RBPJ: variants seen among roughly 807,000 people sequenced by gnomAD.
The protein encoded by RBPJ is recombination signal binding protein for immunoglobulin kappa J region.
A neutral mutation model predicts 67.8 loss-of-function variants in RBPJ; 9 were observed. That is an observed-to-expected ratio of 0.13 (90% confidence interval 0.08 to 0.23). The LOEUF (loss-of-function observed/expected upper bound fraction) is 0.23, where lower values mean the gene tolerates loss of function less well. Among genes scored for constraint, RBPJ ranks in the 10% least tolerant of loss-of-function variants. The probability of loss-of-function intolerance (pLI) is 1.00; values close to 1 mark genes in which losing one functional copy is unlikely to be tolerated. For synonymous variants in RBPJ, 198 were observed against 203.3 expected (o/e 0.97, Z 0.22); for missense variants, 305 against 595.6 (o/e 0.51, Z 5.08).
At chr4:26,197,818 A>T (rs968233764) in intron 1 of RBPJ, among the ~76,000 whole-genome samples, 10 of 151,672 alleles carry the variant, frequency 6.6e-5, no homozygotes, top group African/African-American at 9.7e-5. Flanking sequence ...AGAGGAGAGG[A>T]GGGGAAGGGA....
chr4:26,210,809 T>TTCTTTCTC (rs1312665771), intron 1 of RBPJ, among the ~76,000 whole-genome samples: 2 of 149,938 alleles, frequency 1.3e-5, no homozygotes, highest in South Asian at 4.2e-4. Flanking sequence ...CTTTCTTTCT[T>TTCTTTCTC]TTCTCCTGTG....
intron 1 of RBPJ, among the ~76,000 whole-genome samples, chr4:26,380,737 T>C (rs2109600105): frequency 6.6e-6 from 1 of 152,164 alleles, no homozygotes; most frequent in East Asian, 1.9e-4. Context: ...TAAAGTTTAG[T>C]TTAATTATGA....
chr4:26,190,529 G>C (rs1192631059), intron 1 of RBPJ, among the ~76,000 whole-genome samples: 2 of 152,172 alleles, frequency 1.3e-5, no homozygotes, highest in African/African-American at 4.8e-5. Flanking sequence ...CCTTTATACA[G>C]TGAGAGAAAG....
At chr4:26,366,680 A>G (rs985927288) in intron 1 of RBPJ, among the ~76,000 whole-genome samples, 2 of 151,986 alleles carry the variant, frequency 1.3e-5, no homozygotes, top group East Asian at 1.9e-4. Context: ...TCGGCTTCCC[A>G]AAGTGCTGGG....
chr4:26,389,175 G>A (rs932189566), intron 2 of RBPJ, among the ~76,000 whole-genome samples: 2 of 151,834 alleles, frequency 1.3e-5, no homozygotes, highest in Non-Finnish European at 2.9e-5. Flanking sequence ...GTTGCAGTGA[G>A]CTGAGATCAC....
At chr4:26,207,480 G>A (rs1718211037) in intron 1 of RBPJ, among the ~76,000 whole-genome samples, 2 of 152,182 alleles carry the variant, frequency 1.3e-5, no homozygotes, top group African/African-American at 4.8e-5. Context: ...GTTCATTTTG[G>A]ATGCCTATGT....
chr4:26,148,037 GAT>G, the RBPJ span, among the ~76,000 whole-genome samples: 6 of 152,172 alleles, frequency 3.9e-5, no homozygotes, highest in Non-Finnish European at 7.3e-5. Flanking sequence ...CCACTCAGAT[GAT>G]TCTAGTGTAT....
chr4:26,418,812 G>A (rs936760405), intron 4 of RBPJ, among the ~76,000 whole-genome samples: 1 of 152,146 alleles, frequency 6.6e-6, no homozygotes, highest in Non-Finnish European at 1.5e-5. Flanking sequence ...TTATGTTGCA[G>A]AAGAATTTCA....
chr4:26,179,737 C>T (rs1300250913), intron 1 of RBPJ, among the ~76,000 whole-genome samples: 1 of 152,092 alleles, frequency 6.6e-6, no homozygotes, highest in East Asian at 1.9e-4. Context: ...ATTAGTTCAA[C>T]CACTTTGGAA....
intron 1 of RBPJ, among the ~76,000 whole-genome samples, chr4:26,383,667 T>C (rs1482975090): frequency 6.6e-6 from 1 of 152,350 alleles, no homozygotes; most frequent in East Asian, 1.9e-4. Flanking sequence ...ATATAACCTT[T>C]AATGAAGTTT....
chr4:26,172,629 ACT>A (rs1716637079), intron 1 of RBPJ, among the ~76,000 whole-genome samples: 1 of 152,094 alleles, frequency 6.6e-6, no homozygotes, highest in African/African-American at 2.4e-5. Flanking sequence ...TTGGAATGTC[ACT>A]CTCCTTTATA....
intron 3 of RBPJ, chr4:26,409,967 A>G (rs1020564535): frequency 1.7e-5 from 7 of 423,888 alleles, no homozygotes; most frequent in Middle Eastern, 3.4e-4. Flanking sequence ...ATTGTTAAAA[A>G]TTTCAAAGTA....
intron 1 of RBPJ, among the ~76,000 whole-genome samples, chr4:26,184,835 A>C (rs756179239): frequency 1.3e-5 from 2 of 152,118 alleles, no homozygotes; most frequent in African/African-American, 4.8e-5. Context: ...TAAATGAAGA[A>C]CTTTTTTTGA....
At chr4:26,119,201 A>C in the RBPJ span, among the ~76,000 whole-genome samples, 1 of 152,100 alleles carries the variant, frequency 6.6e-6, no homozygotes, top group Non-Finnish European at 1.5e-5. Flanking sequence ...ATAAGCTTTT[A>C]TTTTCTACTT....
chr4:26,249,484 A>T (rs1720026687), intron 1 of RBPJ, among the ~76,000 whole-genome samples: 1 of 151,942 alleles, frequency 6.6e-6, no homozygotes, highest in African/African-American at 2.4e-5. Context: ...ACATGGTGAA[A>T]CCCTGTCTCT....
At chr4:26,351,945 T>C (rs1726850936) in intron 1 of RBPJ, among the ~76,000 whole-genome samples, 1 of 152,166 alleles carries the variant, frequency 6.6e-6, no homozygotes, top group Non-Finnish European at 1.5e-5. Context: ...AGAGCTGCTT[T>C]GGGTCGGGGG....
At chr4:26,404,177 T>C (rs899144776) in intron 2 of RBPJ, among the ~76,000 whole-genome samples, 2 of 152,174 alleles carry the variant, frequency 1.3e-5, no homozygotes, top group Non-Finnish European at 2.9e-5. Flanking sequence ...CATATGCTTG[T>C]TGGAACACTT....
chr4:26,321,121 G>C, intron 1 of RBPJ, 73 bp downstream of exon 1: 1 of 1,289,222 alleles, frequency 7.8e-7, no homozygotes, highest in Middle Eastern at 2.2e-4. Flanking sequence ...GCGGGCAGCG[G>C]GTTCGGGGGC....
At chr4:26,278,512 C>G (rs1721153809) in intron 1 of RBPJ, among the ~76,000 whole-genome samples, 1 of 152,152 alleles carries the variant, frequency 6.6e-6, no homozygotes, top group Admixed American at 6.5e-5. Context: ...ATATTCAAAA[C>G]AAGAATCATT....
Sources: allele counts gnomAD v4.1 joint callset (sites outside exome capture counted in the v4.1 genomes callset), GRCh38; gene constraint gnomAD v4.1.1; transcripts MANE v1.5; gene names NCBI Gene and HGNC (gene_info 2026-07-23, HGNC 2026-07-21).